DEK: variants seen among roughly 807,000 people sequenced by gnomAD.
DEK encodes the protein DEK proto-oncogene.
Under a neutral mutation model 46.8 loss-of-function variants are expected in DEK, and 28 were observed. The observed-to-expected ratio is 0.60, with a 90% confidence interval of 0.44 to 0.82. The LOEUF (loss-of-function observed/expected upper bound fraction) is 0.82, where lower values mean the gene tolerates loss of function less well. Ranked by LOEUF, DEK falls within the 40% of genes least tolerant of loss-of-function variation. The pLI is 0.00. For synonymous variants in DEK, 160 were observed against 144.5 expected (o/e 1.11, Z -0.77); for missense variants, 416 against 430.6 (o/e 0.97, Z 0.30).
At chr6:18,231,792 G>A (rs949860712) in intron 9 of DEK, among the ~76,000 whole-genome samples, 2 of 152,166 alleles carry the variant, frequency 1.3e-5, no homozygotes, top group East Asian at 1.9e-4. Flanking sequence ...CGTACAAGGA[G>A]GAACTGATAC....
At chr6:18,258,453 G>A in intron 2 of DEK, 48 bp from the exon 3 acceptor site, 2 of 1,420,676 alleles carry the variant, frequency 1.4e-6, no homozygotes, top group Non-Finnish European at 9.9e-7. Flanking sequence ...CTTAAACATT[G>A]TATTAACTTT....
chr6:18,261,853 C>T (rs1469205109), intron 2 of DEK, among the ~76,000 whole-genome samples: 2 of 152,088 alleles, frequency 1.3e-5, no homozygotes, highest in Non-Finnish European at 2.9e-5. Context: ...GGGACTACTG[C>T]GAAGGCACAA....
At chr6:18,246,265 C>T (rs554595772) in intron 7 of DEK, among the ~76,000 whole-genome samples, 112 of 152,304 alleles carry the variant, frequency 7.4e-4, no homozygotes, top group African/African-American at 2.5e-3. Context: ...CACTTCCTTC[C>T]CAATTGCTCT....
At chr6:18,253,016 A>C (rs1469312907) in intron 6 of DEK, among the ~76,000 whole-genome samples, 1 of 152,232 alleles carries the variant, frequency 6.6e-6, no homozygotes, top group Non-Finnish European at 1.5e-5. Context: ...CTACAACTGA[A>C]GTTCAATGGT....
chr6:18,234,448 A>G (rs191024275), intron 9 of DEK, among the ~76,000 whole-genome samples: 1 of 152,276 alleles, frequency 6.6e-6, no homozygotes, highest in East Asian at 1.9e-4. Flanking sequence ...CCCAGACTAC[A>G]GATTGCTGTG....
intron 6 of DEK, 74 bp downstream of exon 6, chr6:18,255,657 A>G: frequency 6.6e-7 from 1 of 1,509,002 alleles, no homozygotes; most frequent in South Asian, 1.3e-5. Context: ...CAATGCTGTT[A>G]TTAATCAATT....
chr6:18,249,970 A>G lies in DEK; in HGVS notation c.574-131T>C, dbSNP rs537340667. The G allele has an allele frequency of 2.1e-5, 29 of 1,364,766 alleles. 1 individual carries two copies. In the East Asian group the frequency reaches 5.7e-4, roughly 27 times the overall value. 84.5% of individuals were successfully genotyped at this position (1,364,766 alleles called of 1,614,324 possible). A position where few individuals can be genotyped will look rare whatever the true frequency, so the allele number is the denominator to read the frequency against. On this transcript the variant is annotated intron_variant, in intron 6 of 10. Transcript: ENST00000652689. ...GTATTTACAAGCCCAGCAGCTTTGC[A>G]GAGAATAATCTTTAACCGTGTCAGG...
rs1372570991 is a variant in DEK, at chr6:18,256,355, A to C, written c.452+6T>G. On this transcript the variant is annotated splice_donor_region_variant and intron_variant, in intron 5 of 10. Transcript: ENST00000652689. ...TCAAAATACAGTATTTATAAAAATA[A>C]CTTACTTTTTCAACATTTCTTCCTT... The C allele has an allele frequency of 6.3e-7, 1 of 1,599,098 alleles. No individual in the cohort carries two copies. Among genetic ancestry groups the C allele is most frequent in the East Asian group, 2.2e-5 (1 of 44,672 alleles).
At chr6:18,245,470 C>G (rs1250590279) in intron 7 of DEK, among the ~76,000 whole-genome samples, 1 of 151,366 alleles carries the variant, frequency 6.6e-6, no homozygotes, top group Non-Finnish European at 1.5e-5. Flanking sequence ...TGGCAACATT[C>G]AGATAAATTC....
chr6:18,257,850 T>C, intron 4 of DEK, 103 bp downstream of exon 4: 1 of 756,462 alleles, frequency 1.3e-6, no homozygotes, highest in Non-Finnish European at 2.1e-6. Flanking sequence ...GTCTGCTCAG[T>C]CATAAAGTGT....
chr6:18,246,905 A>G (rs1400691513), intron 7 of DEK, among the ~76,000 whole-genome samples: 2 of 152,260 alleles, frequency 1.3e-5, no homozygotes, highest in Non-Finnish European at 2.9e-5. Flanking sequence ...TTATTTATCA[A>G]AGAAAAATCT....
At chr6:18,253,855 C>T (rs147377543) in intron 6 of DEK, among the ~76,000 whole-genome samples, 197 of 152,036 alleles carry the variant, frequency 1.3e-3, no homozygotes, top group African/African-American at 4.4e-3. Context: ...TGGGATTACA[C>T]GAGCGTGCCT....
In DEK at chr6:18,225,132, A is replaced by T. The variant is rs942498695; in HGVS notation, c.*587T>A. On this transcript the variant is annotated 3_prime_UTR_variant, in exon 11 of 11. Coordinates refer to ENST00000652689, the MANE Select transcript of DEK (RefSeq NM_003472.4). ...CTTTATATACAACCAATTGTTTTTT[A>T]AAAATACAAAAATAACATCTGTCAC... 15 of 217,504 alleles carry T rather than the reference A, an allele frequency of 6.9e-5. No individual in the cohort carries two copies. The highest frequency in any genetic ancestry group is 2.9e-4 in the Admixed American group (5 of 17,204). 13.5% of individuals were successfully genotyped at this position (217,504 alleles called of 1,614,324 possible).
chr6:18,235,495 G>C (rs1454274755), intron 9 of DEK, among the ~76,000 whole-genome samples: 1 of 152,134 alleles, frequency 6.6e-6, no homozygotes, highest in Non-Finnish European at 1.5e-5. Context: ...CTCAAGTAGG[G>C]TGCTTGTTCT....
chr6:18,239,280 A>T (rs1469094507), intron 7 of DEK, among the ~76,000 whole-genome samples: 1 of 151,158 alleles, frequency 6.6e-6, no homozygotes, highest in Non-Finnish European at 1.5e-5. Flanking sequence ...TTTAGATTAA[A>T]GTATACACAT....
intron 6 of DEK, among the ~76,000 whole-genome samples, chr6:18,251,180 ATTGAGCATC>A (rs1406772479): frequency 2.0e-5 from 3 of 152,224 alleles, no homozygotes; most frequent in African/African-American, 7.2e-5. Context: ...TATTTCTGGG[ATTGAGCATC>A]TTTTATATTC....
chr6:18,258,163 ACT>A, intron 3 of DEK, 101 bp from the exon 4 acceptor site: 8 of 1,088,968 alleles, frequency 7.3e-6, no homozygotes, highest in Non-Finnish European at 1.1e-5. Flanking sequence ...TTTACATGTA[ACT>A]CTGCTCTTAC....
At chr6:18,240,357 G>A (rs1790847466) in intron 7 of DEK, among the ~76,000 whole-genome samples, 2 of 152,156 alleles carry the variant, frequency 1.3e-5, no homozygotes, top group Non-Finnish European at 2.9e-5. Flanking sequence ...TACTGCACAA[G>A]CACTAAAGAA....
rs1554162685 is a variant in DEK, at chr6:18,259,430, A to AAAAAAAAAAAAAAAAAAAT, written c.146-1026_146-1025insATTTTTTTTTTTTTTTTTT. On this transcript the variant is annotated intron_variant, in intron 2 of 10. Transcript: ENST00000652689. ...AAAAAAAAAAAAAAAAAAAAAAAAA[A>AAAAAAAAAAAAAAAAAAAT]AAATCTAGAAAACAGGTAGCATATA... Among the ~76,000 whole-genome samples, 3 of 96,844 alleles carry AAAAAAAAAAAAAAAAAAAT rather than the reference A, an allele frequency of 3.1e-5. 1 individual carries two copies. Among genetic ancestry groups the AAAAAAAAAAAAAAAAAAAT allele is most frequent in the Non-Finnish European group, 7.1e-5 (3 of 42,166 alleles). The allele number at this position is 96,844 out of a possible 152,430, so 63.5% of individuals were successfully genotyped here.
Sources: gnomAD v4.1 joint callset for allele counts (sites outside exome capture counted in the v4.1 genomes callset) on GRCh38, gnomAD v4.1.1 for gene constraint, MANE v1.5 for transcripts, NCBI Gene and HGNC (gene_info 2026-07-23, HGNC 2026-07-21) for gene names.